NBEA: variants seen among roughly 807,000 people sequenced by gnomAD.
NBEA encodes the protein lysosomal-trafficking regulator 2.
A neutral mutation model predicts 343.4 loss-of-function variants in NBEA; 44 were observed. The observed-to-expected ratio is 0.13, with a 90% CI of 0.10 to 0.16. The LOEUF (loss-of-function observed/expected upper bound fraction) is 0.16. NBEA is among the 10% of genes least tolerant of loss of function. NBEA has a pLI of 1.00. For synonymous variants in NBEA, 1,175 were observed against 1,238.7 expected, an observed-to-expected ratio of 0.95 and a Z score of 1.08; for missense variants, 2,555 against 3,631.3, an observed-to-expected ratio of 0.70 and a Z score of 7.62.
At chr13:35,335,223 A>G (rs1278693131) in intron 36 of NBEA, among the ~76,000 whole-genome samples, 1 of 152,150 alleles carries the variant, frequency 6.6e-6, no homozygotes, top group Non-Finnish European at 1.5e-5. Flanking sequence ...TGCCAGTAAC[A>G]TGCTGTTTTG....
intron 27 of NBEA, among the ~76,000 whole-genome samples, chr13:35,176,270 T>A (rs1266807801): frequency 6.6e-6 from 1 of 152,114 alleles, no homozygotes; most frequent in Non-Finnish European, 1.5e-5. Context: ...TGTTTATTTT[T>A]CATTGTTAGA....
chr13:35,091,689 T>G (rs2152628575), intron 10 of NBEA, among the ~76,000 whole-genome samples: 1 of 152,042 alleles, frequency 6.6e-6, no homozygotes, highest in African/African-American at 2.4e-5. Flanking sequence ...AAAAATAACA[T>G]TAACCACAGC....
rs1365419292 is a variant in NBEA at position 35,645,847 on chromosome 13, ATTC to A, written c.7618-19_7618-17del. 1 of 1,487,368 alleles carries A rather than the reference ATTC, an allele frequency of 6.7e-7. No individual in the cohort carries two copies. 92.1% of individuals were successfully genotyped at this position (1,487,368 alleles called of 1,614,324 possible). A position where few individuals can be genotyped will look rare whatever the true frequency, so the allele number is the denominator to read the frequency against. On this transcript the variant is annotated intron_variant, in intron 49 of 58. Transcript: ENST00000379939. ...GTATAATTGGTAGACTTCATGTCTC[ATTC>A]TTTTTTTTCCCCATTAAGATTCCAG...
At chr13:35,269,704 G>T (rs1329391551) in intron 34 of NBEA, among the ~76,000 whole-genome samples, 1 of 152,168 alleles carries the variant, frequency 6.6e-6, no homozygotes, top group Admixed American at 6.5e-5. Flanking sequence ...ATTGGTGGAG[G>T]TTTGTGTAAC....
intron 18 of NBEA, among the ~76,000 whole-genome samples, chr13:35,151,217 T>G (rs1421556690): frequency 1.3e-5 from 2 of 151,970 alleles, no homozygotes; most frequent in African/African-American, 4.8e-5. Context: ...CTTTTAAGTT[T>G]GATAAGATGC....
At chr13:35,537,451 T>A (rs974842399) in intron 41 of NBEA, among the ~76,000 whole-genome samples, 1 of 150,992 alleles carries the variant, frequency 6.6e-6, no homozygotes, top group Non-Finnish European at 1.5e-5. Flanking sequence ...GTAATAGAGA[T>A]ACAGTAATGA....
chr13:35,046,038 T>C (rs919954015), intron 4 of NBEA, among the ~76,000 whole-genome samples: 2 of 152,136 alleles, frequency 1.3e-5, no homozygotes, highest in African/African-American at 2.4e-5. Flanking sequence ...ATATAGTCTT[T>C]TGTGTCAGGC....
intron 50 of NBEA, 68 bp downstream of exon 50, chr13:35,645,999 T>G (rs2084211176): frequency 2.8e-5 from 29 of 1,052,322 alleles, no homozygotes; most frequent in Non-Finnish European, 3.6e-5. Context: ...ATTCACAGGT[T>G]AGATTTTCCA....
intron 40 of NBEA, among the ~76,000 whole-genome samples, chr13:35,466,190 G>T (rs1238804139): frequency 1.3e-5 from 2 of 152,044 alleles, no homozygotes; most frequent in Non-Finnish European, 2.9e-5. Context: ...AATAATCTAA[G>T]GAAACTATGA....
At chr13:35,268,417 G>A (rs1246140970) in intron 34 of NBEA, among the ~76,000 whole-genome samples, 1 of 151,970 alleles carries the variant, frequency 6.6e-6, no homozygotes, top group East Asian at 1.9e-4. Flanking sequence ...AAGAGTTATG[G>A]AGATGGATGA....
At chr13:35,639,315 C>T (rs1045013104) in intron 49 of NBEA, among the ~76,000 whole-genome samples, 6 of 152,148 alleles carry the variant, frequency 3.9e-5, no homozygotes, top group Non-Finnish European at 7.4e-5. Flanking sequence ...TATTTTGCTC[C>T]TGTTTTTCCA....
At chr13:35,459,536 C>A (rs2046793874) in intron 40 of NBEA, among the ~76,000 whole-genome samples, 1 of 151,756 alleles carries the variant, frequency 6.6e-6, no homozygotes, top group Non-Finnish European at 1.5e-5. Context: ...CTACCACTAC[C>A]TCTGGGTAAC....
intron 17 of NBEA, among the ~76,000 whole-genome samples, chr13:35,133,585 A>G (rs529884775): frequency 1.4e-3 from 210 of 152,254 alleles, no homozygotes; most frequent in Non-Finnish European, 2.4e-3. Context: ...GAACAGATAA[A>G]TAAACTAAGG....
chr13:35,172,661 T>C (rs2152723420), intron 26 of NBEA, among the ~76,000 whole-genome samples: 1 of 152,226 alleles, frequency 6.6e-6, no homozygotes, highest in Non-Finnish European at 1.5e-5. Context: ...CCTCCTATGC[T>C]ATTTACTGTT....
Position 35,040,995 on chromosome 13 carries a change from A to T in NBEA, c.357A>T (p.Thr119=). The change falls in exon 2 of 59, where the codon ACA becomes ACT. Residue 119 remains threonine, a synonymous_variant. Transcript: ENST00000379939. ...TTATCCAGGATGCTGAGAGTATAAC[A>T]TGTATGACAGAGCTTTTGGAGCACT... is the stretch of plus-strand genomic sequence containing the variant. ...NFIIQDAESI[T]CMTELLEHCD... is the part of the protein sequence containing the mutation. 6.2e-7 allele frequency: 1 copy of T among 1,613,266 alleles called. No individual in the cohort carries two copies. The highest frequency in any genetic ancestry group is 8.5e-7 in the Non-Finnish European group (1 of 1,179,420).
At chr13:35,337,401 G>A (rs1206726461) in intron 36 of NBEA, among the ~76,000 whole-genome samples, 1 of 152,008 alleles carries the variant, frequency 6.6e-6, no homozygotes, top group African/African-American at 2.4e-5. Context: ...AATCATTACA[G>A]TGACAAAGAC....
intron 36 of NBEA, among the ~76,000 whole-genome samples, chr13:35,342,408 T>C: frequency 6.6e-6 from 1 of 152,098 alleles, no homozygotes; most frequent in East Asian, 1.9e-4. Context: ...AATGAACTTT[T>C]AGCGATAACC....
chr13:35,618,394 C>T (rs1022985305), intron 48 of NBEA, among the ~76,000 whole-genome samples: 1 of 152,214 alleles, frequency 6.6e-6, no homozygotes, highest in Admixed American at 6.5e-5. Flanking sequence ...GCAGACTTTA[C>T]ATGTCTACAA....
intron 36 of NBEA, among the ~76,000 whole-genome samples, chr13:35,316,927 A>G (rs1459578104): frequency 6.6e-6 from 1 of 152,126 alleles, no homozygotes; most frequent in African/African-American, 2.4e-5. Context: ...GTATCTGTTC[A>G]TATCCTTCGC....
Sources: gnomAD v4.1 joint callset for allele counts (sites outside exome capture counted in the v4.1 genomes callset) on GRCh38, gnomAD v4.1.1 for gene constraint, MANE v1.5 for transcripts, NCBI Gene and HGNC (gene_info 2026-07-23, HGNC 2026-07-21) for gene names.